Variants in AHCYL2 observed in about 807,000 individuals in gnomAD.
The protein encoded by AHCYL2 is adenosylhomocysteinase like 2.
Under a neutral mutation model 81.4 loss-of-function variants are expected in AHCYL2, and 28 were observed. The ratio of observed to expected loss-of-function variants is 0.34; its 90% CI spans 0.25 to 0.47. The LOEUF (loss-of-function observed/expected upper bound fraction) is 0.47, where lower values mean the gene tolerates loss of function less well. Among genes scored for constraint, AHCYL2 ranks in the 20% least tolerant of loss-of-function variants. The pLI, the probability that AHCYL2 is intolerant of heterozygous loss-of-function variation, is 1.00. For synonymous variants in AHCYL2, 272 were observed against 290.2 expected, an observed-to-expected ratio of 0.94 and a Z score of 0.64; for missense variants, 551 against 785.1, an observed-to-expected ratio of 0.70 and a Z score of 3.56.
chr7:129,365,762 A>C (rs535802914), intron 1 of AHCYL2, among the ~76,000 whole-genome samples: 2 of 151,824 alleles, frequency 1.3e-5, no homozygotes, highest in African/African-American at 4.8e-5. Context: ...AATAATATCC[A>C]AGTGATTGTT....
chr7:129,331,067 G>A (rs1209031970), intron 1 of AHCYL2, among the ~76,000 whole-genome samples: 1 of 151,988 alleles, frequency 6.6e-6, no homozygotes. Flanking sequence ...TCCAAATATG[G>A]GAAACTTCCA....
intron 1 of AHCYL2, among the ~76,000 whole-genome samples, chr7:129,373,548 C>T (rs1416160678): frequency 1.3e-5 from 2 of 151,558 alleles, no homozygotes; most frequent in Non-Finnish European, 2.9e-5. Context: ...TGCAGTGAGC[C>T]GAGATCGCGC....
chr7:129,229,359 C>T (rs1193623908), intron 1 of AHCYL2, among the ~76,000 whole-genome samples: 1 of 152,090 alleles, frequency 6.6e-6, no homozygotes, highest in African/African-American at 2.4e-5. Flanking sequence ...GAGCCATTAG[C>T]CTTTTATGTG....
intron 1 of AHCYL2, among the ~76,000 whole-genome samples, chr7:129,315,428 A>C (rs1368586681): frequency 1.3e-5 from 2 of 152,112 alleles, no homozygotes. Flanking sequence ...TTTCCCTTGC[A>C]TCCCACATGT....
At chr7:129,231,917 A>G (rs1037099453) in intron 1 of AHCYL2, among the ~76,000 whole-genome samples, 1 of 152,134 alleles carries the variant, frequency 6.6e-6, no homozygotes, top group Admixed American at 6.6e-5. Context: ...CGCTTGCACT[A>G]AAAGCTGGTG....
At chr7:129,382,676 T>C (rs1795016582) in intron 2 of AHCYL2, among the ~76,000 whole-genome samples, 1 of 151,782 alleles carries the variant, frequency 6.6e-6, no homozygotes, top group Admixed American at 6.6e-5. Context: ...GAGGCTGAGG[T>C]CGGCGAATCA....
At chr7:129,322,604 T>C (rs1584782480) in intron 1 of AHCYL2, among the ~76,000 whole-genome samples, 1 of 152,210 alleles carries the variant, frequency 6.6e-6, no homozygotes, top group African/African-American at 2.4e-5. Context: ...TCTTTTTCTT[T>C]TTTTTGAGAC....
At chr7:129,292,194 GT>G (rs1318674130) in intron 1 of AHCYL2, among the ~76,000 whole-genome samples, 1 of 152,106 alleles carries the variant, frequency 6.6e-6, no homozygotes, top group African/African-American at 2.4e-5. Flanking sequence ...ATTATAACTT[GT>G]TTTGTGTGGT....
At chr7:129,271,035 C>T (rs947267906) in intron 1 of AHCYL2, among the ~76,000 whole-genome samples, 1 of 151,930 alleles carries the variant, frequency 6.6e-6, no homozygotes, top group Admixed American at 6.6e-5. Context: ...CAATCTAGGC[C>T]ACACCAAATC....
chr7:129,312,241 T>C (rs1052390089), intron 1 of AHCYL2, among the ~76,000 whole-genome samples: 3 of 152,156 alleles, frequency 2.0e-5, no homozygotes, highest in African/African-American at 7.2e-5. Flanking sequence ...TTCACCACCA[T>C]GCCTGGCTAA....
chr7:129,302,623 G>T (rs190561996), intron 1 of AHCYL2, among the ~76,000 whole-genome samples: 1 of 152,258 alleles, frequency 6.6e-6, no homozygotes, highest in East Asian at 1.9e-4. Context: ...ATGATCATAT[G>T]GTTCTTGTCC....
chr7:129,377,861 C>A (rs530381253), intron 1 of AHCYL2, among the ~76,000 whole-genome samples: 1 of 152,210 alleles, frequency 6.6e-6, no homozygotes, highest in African/African-American at 2.4e-5. Flanking sequence ...GTAAGAAAAT[C>A]ATTATCAAAT....
rs1008920852 is a variant in AHCYL2 at position 129,429,549 on chromosome 7, G to C, written c.*2504G>C. ...TTTCTTTCTTTTCTTTTCACCCTTA[G>C]AGACAGGGTTTCACTATGTTGCCCA... On this transcript the variant is annotated 3_prime_UTR_variant, in exon 17 of 17. Transcript: ENST00000325006. The C allele has an allele frequency of 5.3e-5, 8 of 152,116 alleles. No homozygotes were observed. Among genetic ancestry groups the C allele is most frequent in the African/African-American group, 1.9e-4 (8 of 41,378 alleles). 9.4% of individuals were successfully genotyped at this position (152,116 alleles called of 1,614,324 possible). A position where few individuals can be genotyped will look rare whatever the true frequency, so the allele number is the denominator to read the frequency against.
intron 1 of AHCYL2, among the ~76,000 whole-genome samples, chr7:129,334,217 T>G (rs1272895297): frequency 6.6e-6 from 1 of 152,198 alleles, no homozygotes; most frequent in Non-Finnish European, 1.5e-5. Flanking sequence ...CAAATGAATA[T>G]AAGTAAAAAA....
At chr7:129,236,975 A>AT (rs1000538180) in intron 1 of AHCYL2, among the ~76,000 whole-genome samples, 76 of 148,770 alleles carry the variant, frequency 5.1e-4, no homozygotes, top group Non-Finnish European at 6.4e-4. Context: ...TTCGTATTGG[A>AT]TTTTTTTTTT....
intron 1 of AHCYL2, among the ~76,000 whole-genome samples, chr7:129,285,201 T>C (rs75028051): frequency 0.015 from 2,218 of 152,322 alleles, 25 homozygotes; most frequent in Non-Finnish European, 0.021. Flanking sequence ...TGTGTGGATG[T>C]ATGGATGTAT....
In AHCYL2 at chr7:129,232,057, G is replaced by A. The variant is rs533763536; in HGVS notation, c.363+6618G>A. On this transcript the variant is annotated intron_variant, in intron 1 of 16. Coordinates refer to ENST00000325006, the MANE Select transcript of AHCYL2 (RefSeq NM_015328.4). ...TGCTGATTGAGTTTCTCTGAGTATA[G>A]GACTTTAGCCTTTCTGAATGTTGCA... Among the ~76,000 whole-genome samples, 122 of 152,018 alleles carry A rather than the reference G, an allele frequency of 8.0e-4. 2 individuals are homozygous for A. Among genetic ancestry groups the A allele is most frequent in the African/African-American group, 2.9e-3 (119 of 41,460 alleles).
intron 1 of AHCYL2, among the ~76,000 whole-genome samples, chr7:129,254,390 T>C (rs1795340376): frequency 6.6e-6 from 1 of 152,216 alleles, no homozygotes; most frequent in African/African-American, 2.4e-5. Flanking sequence ...ACCAGTAATA[T>C]CCATTATCTT....
At chr7:129,250,085 T>C (rs992322760) in intron 1 of AHCYL2, among the ~76,000 whole-genome samples, 6 of 152,120 alleles carry the variant, frequency 3.9e-5, no homozygotes, top group African/African-American at 1.2e-4. Flanking sequence ...GAGTATTGCT[T>C]GAGGCCAGAG....
Sources: gnomAD v4.1 joint callset for allele counts (sites outside exome capture counted in the v4.1 genomes callset) on GRCh38, gnomAD v4.1.1 for gene constraint, MANE v1.5 for transcripts, NCBI Gene and HGNC (gene_info 2026-07-23, HGNC 2026-07-21) for gene names.